RAB31: variants seen among roughly 807,000 people sequenced by gnomAD.
RAB31 encodes the protein RAB31, member RAS oncogene family.
RAB31 carries 21 observed loss-of-function variants against 25.6 expected under a neutral mutation model. The observed-to-expected ratio is 0.82, with a 90% CI of 0.58 to 1.18. The LOEUF is 1.18. RAB31 is among the 50% of genes most tolerant of loss of function. The pLI is 0.00. For synonymous variants in RAB31, 87 were observed against 84.0 expected (o/e 1.04, Z -0.20); for missense variants, 196 against 250.1 (o/e 0.78, Z 1.46).
chr18:9,815,163 T>C lies in RAB31; in HGVS notation c.321T>C (p.His107=). Residue 107 remains histidine, a synonymous_variant, in exon 5 of 7, where the codon CAT becomes CAC. Transcript: ENST00000578921. ...AATGGGTCAAGGAGCTGAAAGAACATGGTCCAGAAAACATTGTAATGGCCA... is the reference window on the plus strand; with the variant it reads ...AATGGGTCAAGGAGCTGAAAGAACACGGTCCAGAAAACATTGTAATGGCCA... ...LKKWVKELKE[H]GPENIVMAIA... is the part of the protein sequence containing the mutation. 1 of 1,557,560 alleles carries C rather than the reference T, an allele frequency of 6.4e-7. No homozygotes were observed. Among genetic ancestry groups the C allele is most frequent in the Non-Finnish European group, 8.7e-7 (1 of 1,149,424 alleles).
chr18:9,862,065 C>G lies in RAB31; in HGVS notation c.*2740C>G, dbSNP rs567529404. 6.6e-6 allele frequency: 1 copy of G among 152,598 alleles called. No homozygotes were observed. The highest frequency in any genetic ancestry group is 1.5e-5 in the Non-Finnish European group (1 of 68,028). 9.5% of individuals were successfully genotyped at this position (152,598 alleles called of 1,614,324 possible). On this transcript the variant is annotated 3_prime_UTR_variant, in exon 7 of 7. Coordinates refer to ENST00000578921, the MANE Select transcript of RAB31 (RefSeq NM_006868.4). ...TTTAGCTAACAATAAGGGCTGTGCCCCAATGGAAACTGAGTTCATTTTCTG... is the reference window on the plus strand; with the variant it reads ...TTTAGCTAACAATAAGGGCTGTGCCGCAATGGAAACTGAGTTCATTTTCTG...
chr18:9,782,313 C>T (rs1397699190), intron 2 of RAB31, among the ~76,000 whole-genome samples: 1 of 152,182 alleles, frequency 6.6e-6, no homozygotes, highest in East Asian at 1.9e-4. Flanking sequence ...GCACACAGCC[C>T]GTGAGCAGCC....
Position 9,765,028 on chromosome 18 carries a change from C to T in RAB31, c.40-10250C>T, listed in dbSNP as rs111615923. Among the ~76,000 whole-genome samples, 550 of 152,164 alleles carry T rather than the reference C, an allele frequency of 3.6e-3. 4 individuals carry two copies. The Middle Eastern group carries it at 0.065, about 18-fold the overall frequency. ...GGAGTGCAATGCCGATCTTGGCTCACGGCAACCTACGCCTCCTGGGCTCAA... is the reference window on the plus strand; with the variant it reads ...GGAGTGCAATGCCGATCTTGGCTCATGGCAACCTACGCCTCCTGGGCTCAA... On this transcript the variant is annotated intron_variant, in intron 1 of 6. Coordinates refer to ENST00000578921, the MANE Select transcript of RAB31 (RefSeq NM_006868.4).
At chr18:9,812,304 A>G (rs1039201534) in intron 3 of RAB31, among the ~76,000 whole-genome samples, 2 of 152,206 alleles carry the variant, frequency 1.3e-5, no homozygotes, top group Admixed American at 6.5e-5. Context: ...CAGCGCAGGG[A>G]TGTGTCTTCC....
At chr18:9,857,667 A>AGAT (rs1555693014) in intron 6 of RAB31, among the ~76,000 whole-genome samples, 1 of 125,980 alleles carries the variant, frequency 7.9e-6, no homozygotes, top group African/African-American at 2.8e-5. Flanking sequence ...ATAGATAGAT[A>AGAT]GATAGATAGA....
intron 5 of RAB31, among the ~76,000 whole-genome samples, chr18:9,828,353 T>C (rs1322974619): frequency 2.0e-5 from 3 of 152,166 alleles, no homozygotes; most frequent in Non-Finnish European, 2.9e-5. Context: ...TCCTCCTTAA[T>C]GCAATGCCTC....
At chr18:9,711,678 G>A (rs1284663894) in intron 1 of RAB31, among the ~76,000 whole-genome samples, 2 of 152,220 alleles carry the variant, frequency 1.3e-5, no homozygotes, top group African/African-American at 2.4e-5. Context: ...TGTGTGGCTG[G>A]CATTCAGCTT....
At chr18:9,811,667 G>C (rs1406232422) in intron 3 of RAB31, among the ~76,000 whole-genome samples, 1 of 152,086 alleles carries the variant, frequency 6.6e-6, no homozygotes, top group African/African-American at 2.4e-5. Flanking sequence ...AATCCCACCT[G>C]TTAAGATTTA....
chr18:9,815,367 T>A, intron 5 of RAB31, 145 bp downstream of exon 5: 1 of 107,456 alleles, frequency 9.3e-6, no homozygotes, highest in Non-Finnish European at 1.6e-5. Flanking sequence ...GATGCTGTCC[T>A]CCATCCCTGA....
chr18:9,849,053 A>G (rs2068775661), intron 6 of RAB31, among the ~76,000 whole-genome samples: 1 of 152,132 alleles, frequency 6.6e-6, no homozygotes, highest in African/African-American at 2.4e-5. Flanking sequence ...ACCCTTTTCT[A>G]AATCACATTT....
chr18:9,750,296 C>T (rs921004892), intron 1 of RAB31, among the ~76,000 whole-genome samples: 1 of 152,170 alleles, frequency 6.6e-6, no homozygotes, highest in African/African-American at 2.4e-5. Context: ...CTGCCTTTAT[C>T]CTTAGGTCAG....
intron 5 of RAB31, among the ~76,000 whole-genome samples, chr18:9,823,826 C>G (rs2068635599): frequency 6.6e-6 from 1 of 152,124 alleles, no homozygotes; most frequent in African/African-American, 2.4e-5. Flanking sequence ...TTAAAAATTC[C>G]CATTTAGGAA....
chr18:9,733,296 G>C (rs2068132749), intron 1 of RAB31, among the ~76,000 whole-genome samples: 1 of 152,154 alleles, frequency 6.6e-6, no homozygotes, highest in African/African-American at 2.4e-5. Flanking sequence ...CAAACAGTGA[G>C]CTGTGAGGGA....
intron 5 of RAB31, among the ~76,000 whole-genome samples, chr18:9,834,243 G>A (rs948991200): frequency 4.6e-5 from 7 of 152,106 alleles, no homozygotes; most frequent in African/African-American, 1.7e-4. Flanking sequence ...AGCCTCCCTA[G>A]TAGCTGGGAC....
intron 3 of RAB31, among the ~76,000 whole-genome samples, chr18:9,809,757 T>C (rs562257437): frequency 1.3e-5 from 2 of 152,362 alleles, no homozygotes; most frequent in East Asian, 1.9e-4. Context: ...TTGATAATTT[T>C]CAAAGGAATT....
intron 1 of RAB31, among the ~76,000 whole-genome samples, chr18:9,723,889 T>G (rs2068084291): frequency 6.6e-6 from 1 of 152,158 alleles, no homozygotes; most frequent in African/African-American, 2.4e-5. Flanking sequence ...GAGGCCCACC[T>G]CCCAACGCTA....
intron 1 of RAB31, chr18:9,735,332 T>G (rs1197837092): frequency 4.9e-6 from 1 of 203,580 alleles, no homozygotes; most frequent in African/African-American, 2.3e-5. Context: ...GTCTTGTTTT[T>G]AGCAGCATTT....
At chr18:9,855,229 A>C (rs933765958) in intron 6 of RAB31, among the ~76,000 whole-genome samples, 1 of 151,932 alleles carries the variant, frequency 6.6e-6, no homozygotes, top group African/African-American at 2.4e-5. Flanking sequence ...TAGACTGTCA[A>C]CTTTCAGGAA....
intron 1 of RAB31, among the ~76,000 whole-genome samples, chr18:9,732,416 C>T (rs533821227): frequency 9.8e-5 from 15 of 152,372 alleles, no homozygotes; most frequent in South Asian, 2.1e-4. Flanking sequence ...GAATCCTCCC[C>T]TGGAATACAT....
Sources: gnomAD v4.1 joint callset for allele counts (sites outside exome capture counted in the v4.1 genomes callset) on GRCh38, gnomAD v4.1.1 for gene constraint, MANE v1.5 for transcripts, NCBI Gene and HGNC (gene_info 2026-07-23, HGNC 2026-07-21) for gene names.